Variants in ZNF732 observed in about 807,000 individuals in gnomAD.
ZNF732 encodes the protein zinc finger protein LOC654254.
A neutral mutation model predicts 11.5 loss-of-function variants in ZNF732; 12 were observed. The ratio of observed to expected loss-of-function variants is 1.05; its 90% CI spans 0.67 to 1.70. The LOEUF (loss-of-function observed/expected upper bound fraction) is 1.70, where lower values mean the gene tolerates loss of function less well. ZNF732 is among the 40% of genes most tolerant of loss of function. ZNF732 has a pLI of 0.00. For synonymous variants in ZNF732, 231 were observed against 236.5 expected (o/e 0.98, Z 0.21); for missense variants, 702 against 676.9 (o/e 1.04, Z -0.41).
intron 1 of ZNF732, among the ~76,000 whole-genome samples, chr4:300,469 A>AAAAAAG (rs1362087825): frequency 2.6e-5 from 4 of 151,354 alleles, no homozygotes; most frequent in African/African-American, 7.3e-5. Context: ...AAAAAAAAAA[A>AAAAAAG]AAAAAGAAAA....
chr4:299,393 A>G (rs1340180990), intron 1 of ZNF732, among the ~76,000 whole-genome samples: 6 of 77,488 alleles, frequency 7.7e-5, no homozygotes, highest in East Asian at 4.6e-4. Flanking sequence ...ACACATATGT[A>G]CACATATGTG....
At chr4:288,941 C>G (rs978999720) in intron 3 of ZNF732, among the ~76,000 whole-genome samples, 1 of 152,126 alleles carries the variant, frequency 6.6e-6, no homozygotes, top group Non-Finnish European at 1.5e-5. Context: ...TTAGTTTATC[C>G]TCGTATTGCT....
chr4:274,529 A>C (rs1271039925), intron 3 of ZNF732, among the ~76,000 whole-genome samples: 1 of 151,630 alleles, frequency 6.6e-6, no homozygotes, highest in Non-Finnish European at 1.5e-5. Context: ...AAATTATTCA[A>C]ATATTTATGA....
At chr4:280,340 C>A (rs1553839555) in intron 3 of ZNF732, among the ~76,000 whole-genome samples, 1 of 149,430 alleles carries the variant, frequency 6.7e-6, no homozygotes, top group East Asian at 1.9e-4. Context: ...ACCTGTAATC[C>A]CAGCACTTTG....
intron 3 of ZNF732, among the ~76,000 whole-genome samples, chr4:275,054 G>A (rs534222662): frequency 7.9e-5 from 12 of 151,534 alleles, no homozygotes; most frequent in East Asian, 5.8e-4. Flanking sequence ...AAACTATTAC[G>A]CCTAACAGAA....
intron 3 of ZNF732, among the ~76,000 whole-genome samples, chr4:287,467 G>A (rs935367518): frequency 1.2e-4 from 18 of 151,810 alleles, no homozygotes; most frequent in South Asian, 6.3e-4. Flanking sequence ...CACCCGCCTC[G>A]GCCTCCCAAA....
At position 276,621 on chromosome 4, in the gene ZNF732, A is replaced by T. The variant is rs150025268; in HGVS notation, c.227-3991T>A. ...AGCAAACATAATTAAAAAGGTGAAC[A>T]CTCTTTACACTGAAAATTGTAAATA... On this transcript the variant is annotated intron_variant, in intron 3 of 3. Transcript: ENST00000419098. Among the ~76,000 whole-genome samples the T allele has an allele frequency of 6.2e-3, 948 of 151,984 alleles. 13 individuals carry two copies. The highest frequency in any genetic ancestry group is 0.011 in the Non-Finnish European group (726 of 67,804).
intron 3 of ZNF732, among the ~76,000 whole-genome samples, chr4:287,993 T>C (rs2108656858): frequency 6.6e-6 from 1 of 152,270 alleles, no homozygotes; most frequent in South Asian, 2.1e-4. Context: ...TGCACAACAA[T>C]AACCTTATTG....
rs1251928742 is a variant in ZNF732 at position 305,447 on chromosome 4, T to C, written c.-137A>G. The C allele has an allele frequency of 6.3e-6, 8 of 1,266,784 alleles. No individual in the cohort carries two copies. The highest frequency in any genetic ancestry group is 8.7e-6 in the Non-Finnish European group (8 of 916,050). The allele number at this position is 1,266,784 out of a possible 1,614,324, so 78.5% of individuals were successfully genotyped here. A position where few individuals can be genotyped will look rare whatever the true frequency, so the allele number is the denominator to read the frequency against. On this transcript the variant is annotated 5_prime_UTR_variant, in exon 1 of 4. Coordinates refer to ENST00000419098, the MANE Select transcript of ZNF732 (RefSeq NM_001137608.3). ...GGTGAAAGCACGGCCGTGGAGACCCTAACCGAGCTCACGCTGGCGCAAAAG... is the reference window on the plus strand; with the variant it reads ...GGTGAAAGCACGGCCGTGGAGACCCCAACCGAGCTCACGCTGGCGCAAAAG...
intron 3 of ZNF732, among the ~76,000 whole-genome samples, chr4:293,765 CAAT>C (rs1169328295): frequency 6.6e-6 from 1 of 151,958 alleles, no homozygotes; most frequent in Non-Finnish European, 1.5e-5. Context: ...CTATATTTTA[CAAT>C]AAAATATGTG....
intron 1 of ZNF732, among the ~76,000 whole-genome samples, chr4:301,235 T>C (rs1368254868): frequency 6.6e-6 from 1 of 152,156 alleles, no homozygotes; most frequent in Non-Finnish European, 1.5e-5. Flanking sequence ...CTGGAGAGGA[T>C]GTGGAGAAAT....
chr4:300,139 G>A (rs141851991), intron 1 of ZNF732, among the ~76,000 whole-genome samples: 78 of 151,876 alleles, frequency 5.1e-4, no homozygotes, highest in African/African-American at 1.8e-3. Flanking sequence ...GTGGGTTATA[G>A]TGTCAAGTAT....
chr4:305,179 G>A, intron 1 of ZNF732, 129 bp downstream of exon 1: 6 of 1,298,262 alleles, frequency 4.6e-6, no homozygotes, highest in Non-Finnish European at 5.2e-6. Flanking sequence ...CTCACCGGAA[G>A]GGACCAAGGA....
chr4:299,320 G>A (rs1201930857), intron 1 of ZNF732, among the ~76,000 whole-genome samples: 1 of 142,962 alleles, frequency 7.0e-6, no homozygotes. Context: ...CTGAATATAC[G>A]CTCCAATTAG....
chr4:284,891 A>AAAAG (rs782343752), intron 3 of ZNF732, among the ~76,000 whole-genome samples: 1,467 of 128,710 alleles, frequency 0.011, 51 homozygotes, highest in Middle Eastern at 0.023. Context: ...AAAAAAAAAA[A>AAAAG]AAGAAGAAGA....
chr4:301,052 C>T (rs918901842), intron 1 of ZNF732, among the ~76,000 whole-genome samples: 6 of 152,102 alleles, frequency 3.9e-5, no homozygotes, highest in African/African-American at 9.7e-5. Flanking sequence ...AACAAGTGGG[C>T]GAAGGATATG....
At position 272,268 on chromosome 4, in the gene ZNF732, A is replaced by C. The variant is rs782612546; in HGVS notation, c.589T>G (p.Cys197Gly). 1 of 1,613,370 alleles carries C rather than the reference A, an allele frequency of 6.2e-7. No individual in the cohort carries two copies. The highest frequency in any genetic ancestry group is 2.2e-5 in the East Asian group (1 of 44,840). Reference sequence around the variant, plus strand: ...TTAAAGTCTTTGCCACATTCTTCACATGTGTAGGGTTTCTCTCCAGCATGA... The same window carrying C: ...TTAAAGTCTTTGCCACATTCTTCACCTGTGTAGGGTTTCTCTCCAGCATGA... ...GIHAGEKPYT[C>G]EECGKDFKWY... The change falls in exon 4 of 4, where the codon TGT becomes GGT. Residue 197 changes from cysteine (C) to glycine (G), a missense_variant. Around this residue, in one of 3 missense-constraint regions of ZNF732, gnomAD observed 596 missense variants for 557.9 expected, o/e 1.07. Coordinates refer to ENST00000419098, the MANE Select transcript of ZNF732 (RefSeq NM_001137608.3).
At chr4:287,265 A>G (rs1719750723) in intron 3 of ZNF732, among the ~76,000 whole-genome samples, 1 of 151,216 alleles carries the variant, frequency 6.6e-6, no homozygotes, top group African/African-American at 2.4e-5. Context: ...CCCAGACTGT[A>G]GTGCAATGGC....
chr4:285,419 G>A (rs1700320663), intron 3 of ZNF732, among the ~76,000 whole-genome samples: 2 of 152,194 alleles, frequency 1.3e-5, no homozygotes, highest in Admixed American at 1.3e-4. Context: ...AAGAACCCAT[G>A]AGTCTTCTGG....
Sources: allele counts gnomAD v4.1 joint callset (sites outside exome capture counted in the v4.1 genomes callset), GRCh38; gene constraint gnomAD v4.1.1; regional missense constraint gnomAD v4.1.1; transcripts MANE v1.5; gene names NCBI Gene and HGNC (gene_info 2026-07-23, HGNC 2026-07-21).